GLIS3: variants seen among roughly 807,000 people sequenced by gnomAD.
The protein encoded by GLIS3 is zinc finger protein GLIS3.
Under a neutral mutation model 78.6 loss-of-function variants are expected in GLIS3, and 53 were observed. The ratio of observed to expected loss-of-function variants is 0.67; its 90% CI spans 0.54 to 0.85. GLIS3 has a LOEUF of 0.85. Ranked by LOEUF, GLIS3 falls within the 40% of genes least tolerant of loss-of-function variation. The probability of loss-of-function intolerance (pLI) is 0.00; values close to 1 mark genes in which losing one functional copy is unlikely to be tolerated. For synonymous variants in GLIS3, 684 were observed against 509.9 expected, an observed-to-expected ratio of 1.34 and a Z score of -4.60; for missense variants, 1,703 against 1,231.1, an observed-to-expected ratio of 1.38 and a Z score of -5.74.
the GLIS3 span, among the ~76,000 whole-genome samples, chr9:4,483,682 T>G: frequency 1.4e-5 from 2 of 147,032 alleles, no homozygotes; most frequent in Admixed American, 6.9e-5. Context: ...ATCATGCCAC[T>G]GCGCTTCAGC....
chr9:3,932,125 T>G (rs182192295), intron 6 of GLIS3, among the ~76,000 whole-genome samples: 15 of 152,202 alleles, frequency 9.9e-5, no homozygotes, highest in Non-Finnish European at 2.1e-4. Flanking sequence ...GAAATTTGCA[T>G]AGCTATAGCA....
the GLIS3 span, among the ~76,000 whole-genome samples, chr9:4,479,219 C>A: frequency 6.6e-6 from 1 of 152,154 alleles, no homozygotes; most frequent in African/African-American, 2.4e-5. Flanking sequence ...AGCCACTGCA[C>A]CAGGCCTCAA....
chr9:3,846,900 A>G (rs1430805592), intron 9 of GLIS3, among the ~76,000 whole-genome samples: 1 of 152,190 alleles, frequency 6.6e-6, no homozygotes, highest in East Asian at 1.9e-4. Context: ...AGATGGGGGC[A>G]GGGCCTGGCG....
the GLIS3 span, among the ~76,000 whole-genome samples, chr9:4,478,763 G>A: frequency 6.6e-6 from 1 of 152,160 alleles, no homozygotes; most frequent in Non-Finnish European, 1.5e-5. Flanking sequence ...GAAAATATAT[G>A]CAGAAGAAAT....
At chr9:3,966,666 C>T (rs1008601134) in intron 4 of GLIS3, among the ~76,000 whole-genome samples, 14 of 151,538 alleles carry the variant, frequency 9.2e-5, no homozygotes, top group South Asian at 2.1e-4. Flanking sequence ...TGGTGGCGCA[C>T]GCCTGCAATC....
intron 8 of GLIS3, among the ~76,000 whole-genome samples, chr9:3,862,237 G>C (rs1820259511): frequency 6.6e-6 from 1 of 152,194 alleles, no homozygotes; most frequent in African/African-American, 2.4e-5. Flanking sequence ...AAGCAATCAT[G>C]AGTGGTGGGG....
At chr9:4,179,650 T>A (rs928280183) in intron 2 of GLIS3, among the ~76,000 whole-genome samples, 2 of 152,094 alleles carry the variant, frequency 1.3e-5, no homozygotes, top group Non-Finnish European at 2.9e-5. Context: ...TGGCTCACGC[T>A]TGTAATCCTA....
chr9:4,007,323 C>A (rs1821632830), intron 4 of GLIS3, among the ~76,000 whole-genome samples: 1 of 152,110 alleles, frequency 6.6e-6, no homozygotes. Flanking sequence ...CCCCATCTTT[C>A]TCTGCCCCCA....
the GLIS3 span, among the ~76,000 whole-genome samples, chr9:4,410,342 T>C: frequency 6.6e-6 from 1 of 152,220 alleles, no homozygotes; most frequent in Non-Finnish European, 1.5e-5. Context: ...AGAGAAGCAG[T>C]TGTTTTTTCT....
Position 4,114,786 on chromosome 9 carries a change from G to A in GLIS3, c.1710+2982C>T, listed in dbSNP as rs188893855. ...GGCCAGGCCTGGAAAGAGAGCAGCT[G>A]GTTGGGCTTTCCACAGAAGCAATAA... On this transcript the variant is annotated intron_variant, in intron 4 of 10. Transcript: ENST00000381971. 1.6e-3 allele frequency among the ~76,000 whole-genome samples: 239 copies of A among 152,128 alleles called. 2 individuals are homozygous for A. The highest frequency in any genetic ancestry group is 5.1e-3 in the African/African-American group (210 of 41,504).
chr9:4,473,868 A>C, the GLIS3 span, among the ~76,000 whole-genome samples: 1 of 152,156 alleles, frequency 6.6e-6, no homozygotes, highest in Non-Finnish European at 1.5e-5. Context: ...AGAAAAACCT[A>C]ATGAAGATGC....
intron 4 of GLIS3, among the ~76,000 whole-genome samples, chr9:4,000,470 AGT>A (rs1443907482): frequency 9.2e-5 from 14 of 152,324 alleles, no homozygotes; most frequent in Non-Finnish European, 1.0e-4. Flanking sequence ...TGGATTCATC[AGT>A]GTTATTTTAT....
chr9:3,943,506 T>C (rs1251404146), intron 4 of GLIS3, among the ~76,000 whole-genome samples: 1 of 152,228 alleles, frequency 6.6e-6, no homozygotes, highest in African/African-American at 2.4e-5. Flanking sequence ...TATCTGATTT[T>C]ATAACATTTC....
At position 4,203,236 on chromosome 9, in the gene GLIS3, T is replaced by C. The variant is rs1322410422; in HGVS notation, c.389-77295A>G. On this transcript the variant is annotated intron_variant, in intron 2 of 10. Transcript: ENST00000381971. ...GACATGAAGAAATGCTCTGCAGCAG[T>C]AGTCATCAGATAAATGCAACTCCAA... 2.6e-5 allele frequency among the ~76,000 whole-genome samples: 4 copies of C among 152,146 alleles called. No individual in the cohort carries two copies. The East Asian group carries it at 7.7e-4, about 29-fold the overall frequency.
At chr9:3,860,601 T>C (rs1019116723) in intron 8 of GLIS3, among the ~76,000 whole-genome samples, 1 of 152,084 alleles carries the variant, frequency 6.6e-6, no homozygotes, top group Non-Finnish European at 1.5e-5. Context: ...AAAGTGGGAA[T>C]GGCAGGAGAA....
At chr9:4,381,611 C>A in the GLIS3 span, among the ~76,000 whole-genome samples, 6 of 151,430 alleles carry the variant, frequency 4.0e-5, no homozygotes, top group East Asian at 1.2e-3. Flanking sequence ...GAACCTCCAA[C>A]TGGGGCATGC....
intron 3 of GLIS3, among the ~76,000 whole-genome samples, chr9:4,310,205 C>A (rs900813115): frequency 6.6e-6 from 1 of 152,182 alleles, no homozygotes; most frequent in Non-Finnish European, 1.5e-5. Flanking sequence ...TCACATCTAG[C>A]TATGGGCAAG....
intron 2 of GLIS3, among the ~76,000 whole-genome samples, chr9:4,176,545 T>C (rs2131152130): frequency 6.6e-6 from 1 of 152,280 alleles, no homozygotes; most frequent in Non-Finnish European, 1.5e-5. Flanking sequence ...ACTTTTAGGG[T>C]AGGAGGAATT....
chr9:4,261,153 C>G (rs1246789430), intron 2 of GLIS3, among the ~76,000 whole-genome samples: 1 of 152,122 alleles, frequency 6.6e-6, no homozygotes, highest in Non-Finnish European at 1.5e-5. Context: ...TAACTCATCC[C>G]AAGGTAAAAT....
Sources: gnomAD v4.1 joint callset for allele counts (sites outside exome capture counted in the v4.1 genomes callset) on GRCh38, gnomAD v4.1.1 for gene constraint, MANE v1.5 for transcripts, NCBI Gene and HGNC (gene_info 2026-07-23, HGNC 2026-07-21) for gene names.